The following NUMB variants were observed in gnomAD, a reference collection of about 807,000 sequenced individuals.
NUMB encodes the protein NUMB endocytic adaptor protein, also known as protein numb homolog.
In NUMB, 29 loss-of-function variants were observed where a neutral mutation model predicts 59.7. That is an observed-to-expected ratio of 0.49 (90% CI 0.36 to 0.66). NUMB has a LOEUF of 0.66. Among genes scored for constraint, NUMB ranks in the 30% least tolerant of loss-of-function variants. NUMB has a pLI of 0.00. For missense variants in NUMB, 723 were observed against 822.0 expected (o/e 0.88, Z 1.47); for synonymous variants, 288 against 288.2 (o/e 1.00, Z 0.01).
At chr14:73,373,605 T>G (rs1283653709) in intron 2 of NUMB, among the ~76,000 whole-genome samples, 1 of 152,104 alleles carries the variant, frequency 6.6e-6, no homozygotes. Context: ...AGAAAAATTT[T>G]GAACAAGGTA....
chr14:73,358,495 T>C lies in NUMB; in HGVS notation c.-15-2729A>G, dbSNP rs1893931617. 2.6e-5 allele frequency among the ~76,000 whole-genome samples: 4 copies of C among 152,158 alleles called. No individual in the cohort carries two copies. The South Asian group carries it at 8.3e-4, about 32-fold the overall frequency. ...CCCTCTTTCAGAGCCTCTGTATATG[T>C]TCCTCCCTCTGCCTAGAAAGAAATA... is the stretch of plus-strand genomic sequence containing the variant. On this transcript the variant is annotated intron_variant, in intron 3 of 12. Transcript: ENST00000555238.
chr14:73,282,120 T>C (rs1347499522), intron 11 of NUMB: 4 of 434,716 alleles, frequency 9.2e-6, no homozygotes, highest in Non-Finnish European at 1.6e-5. Context: ...AGAAATTCCT[T>C]ATAGAATGGG....
chr14:73,419,154 C>T (rs964691060), intron 1 of NUMB, among the ~76,000 whole-genome samples: 5 of 151,980 alleles, frequency 3.3e-5, no homozygotes, highest in African/African-American at 1.2e-4. Context: ...TAAATTCCTA[C>T]GTAAATTATC....
At chr14:73,404,072 G>A (rs983374121) in intron 2 of NUMB, among the ~76,000 whole-genome samples, 9 of 132,538 alleles carry the variant, frequency 6.8e-5, no homozygotes, top group East Asian at 2.1e-4. Context: ...GCAAGACTCC[G>A]TCTGAAAAAA....
At chr14:73,420,048 T>C (rs1252432456) in intron 1 of NUMB, among the ~76,000 whole-genome samples, 1 of 152,152 alleles carries the variant, frequency 6.6e-6, no homozygotes, top group Admixed American at 6.5e-5. Flanking sequence ...GTACCTTTAG[T>C]AGAGATGGGG....
chr14:73,456,256 C>T (rs1381655177), intron 1 of NUMB, among the ~76,000 whole-genome samples: 5 of 152,054 alleles, frequency 3.3e-5, no homozygotes, highest in African/African-American at 9.7e-5. Flanking sequence ...ATTACAGGCA[C>T]GCGCCACCAC....
chr14:73,338,556 A>T (rs981074595), intron 4 of NUMB, among the ~76,000 whole-genome samples: 3 of 152,330 alleles, frequency 2.0e-5, no homozygotes, highest in Admixed American at 6.5e-5. Flanking sequence ...CTTTTAACAT[A>T]TAAGTTGTAT....
At chr14:73,452,064 C>T (rs1200015782) in intron 1 of NUMB, among the ~76,000 whole-genome samples, 1 of 151,508 alleles carries the variant, frequency 6.6e-6, no homozygotes. Flanking sequence ...TCTCTACCCC[C>T]CAAAAAAAAA....
intron 2 of NUMB, among the ~76,000 whole-genome samples, chr14:73,395,395 G>C (rs1594985988): frequency 6.9e-6 from 1 of 145,616 alleles, no homozygotes; most frequent in East Asian, 2.0e-4. Flanking sequence ...GGCAGAGGTA[G>C]GTAGACTGGT....
chr14:73,345,550 G>A (rs1892873997), intron 4 of NUMB, among the ~76,000 whole-genome samples: 1 of 152,124 alleles, frequency 6.6e-6, no homozygotes, highest in Admixed American at 6.6e-5. Context: ...ATTACATTGA[G>A]GATCCCAAGG....
chr14:73,284,064 G>T lies in NUMB; in HGVS notation c.949+17C>A, dbSNP rs200343123. 48 of 1,611,474 alleles carry T rather than the reference G, an allele frequency of 3.0e-5. No homozygotes were observed. Among genetic ancestry groups the T allele is most frequent in the African/African-American group, 5.3e-5 (4 of 74,876 alleles). The stretch of plus-strand genomic sequence containing the variant: ...CAGTGCTCGAGTACCCAGTGAGTCA[G>T]GTAGATGCTACATTACCTGCATTTT... On this transcript the variant is annotated intron_variant, in intron 10 of 12. Coordinates refer to ENST00000555238, the MANE Select transcript of NUMB (RefSeq NM_001005743.2).
chr14:73,412,199 A>G (rs1896925723), intron 1 of NUMB, among the ~76,000 whole-genome samples: 1 of 152,108 alleles, frequency 6.6e-6, no homozygotes, highest in African/African-American at 2.4e-5. Flanking sequence ...TTACAGGCAT[A>G]CACCACCACG....
At chr14:73,442,864 C>A (rs1439871107) in intron 1 of NUMB, among the ~76,000 whole-genome samples, 2 of 151,906 alleles carry the variant, frequency 1.3e-5, no homozygotes, top group African/African-American at 4.8e-5. Flanking sequence ...ACACCATTTA[C>A]TTTTTTTTCT....
chr14:73,450,263 AAAG>A (rs747715271), intron 1 of NUMB, among the ~76,000 whole-genome samples: 2 of 152,254 alleles, frequency 1.3e-5, no homozygotes, highest in African/African-American at 2.4e-5. Context: ...ACTGAATCTA[AAAG>A]AAGTTTAATA....
intron 2 of NUMB, among the ~76,000 whole-genome samples, chr14:73,372,315 A>ATATATATATATATATATATATAACCTTT (rs1202202225): frequency 6.6e-5 from 7 of 105,372 alleles, no homozygotes; most frequent in African/African-American, 2.4e-4. Flanking sequence ...TTATATATAT[A>ATATATATATATATATATATATAACCTTT]TATATATATA....
chr14:73,352,477 CATATAT>C lies in NUMB; in HGVS notation c.126+3143_126+3148del, dbSNP rs1170959840. ...ACACACATACACACACACACACACA[CATATAT>C]ATATATATATATATATATATATATA... On this transcript the variant is annotated intron_variant, in intron 4 of 12. Transcript: ENST00000555238. Among the ~76,000 whole-genome samples, 96 of 12,670 alleles carry C rather than the reference CATATAT, an allele frequency of 7.6e-3. 1 individual carries two copies. Among genetic ancestry groups the C allele is most frequent in the South Asian group, 0.014 (2 of 148 alleles). 8.3% of individuals were successfully genotyped at this position (12,670 alleles called of 152,430 possible).
chr14:73,290,340 GA>G (rs1889310331), intron 8 of NUMB, among the ~76,000 whole-genome samples: 1 of 152,186 alleles, frequency 6.6e-6, no homozygotes, highest in Admixed American at 6.5e-5. Flanking sequence ...ATGTGGCCCA[GA>G]ACCTATGCTA....
chr14:73,340,234 A>G (rs1231712572), intron 4 of NUMB, among the ~76,000 whole-genome samples: 1 of 152,208 alleles, frequency 6.6e-6, no homozygotes, highest in Non-Finnish European at 1.5e-5. Context: ...TGAGAATAGT[A>G]GATTACGAAG....
chr14:73,391,906 A>G (rs74064625), intron 2 of NUMB, among the ~76,000 whole-genome samples: 1 of 152,210 alleles, frequency 6.6e-6, no homozygotes, highest in Non-Finnish European at 1.5e-5. Flanking sequence ...ACTGTTGTAC[A>G]TCTGTTTACC....
Sources: allele counts gnomAD v4.1 joint callset (sites outside exome capture counted in the v4.1 genomes callset), GRCh38; gene constraint gnomAD v4.1.1; transcripts MANE v1.5; gene names NCBI Gene and HGNC (gene_info 2026-07-23, HGNC 2026-07-21).